Variants in FSHR observed in about 807,000 individuals in gnomAD.
The protein encoded by FSHR is follicle stimulating hormone receptor.
FSHR carries 46 observed loss-of-function variants against 52.1 expected under a neutral mutation model. That is an observed-to-expected ratio of 0.88 (90% CI 0.70 to 1.13). FSHR has a LOEUF of 1.13. FSHR is among the 50% of genes most tolerant of loss of function. The pLI is 0.00. For synonymous variants in FSHR, 399 were observed against 309.6 expected (o/e 1.29, Z -3.03); for missense variants, 964 against 834.6 (o/e 1.16, Z -1.91).
At chr2:49,014,399 AGAG>A (rs745790527) in intron 4 of FSHR, among the ~76,000 whole-genome samples, 81 of 152,260 alleles carry the variant, frequency 5.3e-4, no homozygotes, top group Non-Finnish European at 6.6e-4. Context: ...AAAGACACAA[AGAG>A]GAGGATGGAC....
At chr2:49,014,691 A>T in intron 4 of FSHR, 1 of 251,942 alleles carries the variant, frequency 4.0e-6, no homozygotes, top group Non-Finnish European at 7.9e-6. Context: ...CTCATTTCTC[A>T]TTTACCTGTT....
At chr2:49,118,721 C>A (rs1316073031) in intron 1 of FSHR, among the ~76,000 whole-genome samples, 1 of 152,054 alleles carries the variant, frequency 6.6e-6, no homozygotes, top group Non-Finnish European at 1.5e-5. Flanking sequence ...ATTAACATAC[C>A]CAATCACACA....
Position 49,082,747 on chromosome 2 carries a change from G to A in FSHR, c.153-14457C>T, listed in dbSNP as rs368035181. ...ATCAACTGGAAGAAAGGGTATCAGCGATGGAAGATGAAATGAATGAAATGA... is the reference window on the plus strand; with the variant it reads ...ATCAACTGGAAGAAAGGGTATCAGCAATGGAAGATGAAATGAATGAAATGA... On this transcript the variant is annotated intron_variant, in intron 1 of 9. Transcript: ENST00000406846. Among the ~76,000 whole-genome samples the A allele has an allele frequency of 7.9e-5, 12 of 152,240 alleles. No individual in the cohort carries two copies. The East Asian group carries it at 1.9e-3, about 24-fold the overall frequency.
intron 8 of FSHR, among the ~76,000 whole-genome samples, chr2:48,979,816 T>C (rs2104050921): frequency 6.6e-6 from 1 of 152,220 alleles, no homozygotes; most frequent in African/African-American, 2.4e-5. Flanking sequence ...TGTGTGTGTG[T>C]GTGTGTGTGT....
At chr2:49,149,040 C>T (rs578147127) in intron 1 of FSHR, among the ~76,000 whole-genome samples, 3 of 151,106 alleles carry the variant, frequency 2.0e-5, no homozygotes, top group Non-Finnish European at 4.4e-5. Context: ...TTGCCAGGGC[C>T]GAAGCAAAGA....
intron 1 of FSHR, among the ~76,000 whole-genome samples, chr2:49,092,177 G>C (rs1474682647): frequency 1.3e-5 from 2 of 152,126 alleles, no homozygotes; most frequent in African/African-American, 4.8e-5. Context: ...ATTGTTCGCT[G>C]CTAAATTACA....
intron 1 of FSHR, among the ~76,000 whole-genome samples, chr2:49,128,293 G>A (rs1672139659): frequency 6.6e-6 from 1 of 152,062 alleles, no homozygotes; most frequent in South Asian, 2.1e-4. Context: ...ATGAATGGGA[G>A]GATTTTCTTA....
At chr2:49,085,892 C>G (rs911952562) in intron 1 of FSHR, among the ~76,000 whole-genome samples, 3 of 150,592 alleles carry the variant, frequency 2.0e-5, no homozygotes, top group African/African-American at 7.4e-5. Context: ...CGTGTTCTCG[C>G]TCATAGGTGG....
At chr2:49,090,596 A>G (rs1436271436) in intron 1 of FSHR, among the ~76,000 whole-genome samples, 1 of 152,220 alleles carries the variant, frequency 6.6e-6, no homozygotes, top group Non-Finnish European at 1.5e-5. Context: ...GAGGTTTCTT[A>G]TGAATAGAAC....
At chr2:49,007,255 C>A (rs1053658661) in intron 4 of FSHR, among the ~76,000 whole-genome samples, 1 of 151,872 alleles carries the variant, frequency 6.6e-6, no homozygotes, top group Non-Finnish European at 1.5e-5. Flanking sequence ...GACATTGCAT[C>A]CTCCTGTCAG....
chr2:49,054,457 T>C (rs1021973056), intron 2 of FSHR, among the ~76,000 whole-genome samples: 1 of 151,762 alleles, frequency 6.6e-6, no homozygotes, highest in Non-Finnish European at 1.5e-5. Flanking sequence ...CTGCAAAACA[T>C]CCCTGTGGGC....
intron 2 of FSHR, among the ~76,000 whole-genome samples, chr2:49,060,797 G>T (rs565712806): frequency 6.6e-6 from 1 of 152,086 alleles, no homozygotes; most frequent in Non-Finnish European, 1.5e-5. Flanking sequence ...GGGGAGTGCA[G>T]TCATCCATGT....
At chr2:49,127,763 CTT>C (rs1333642813) in intron 1 of FSHR, among the ~76,000 whole-genome samples, 1 of 30,710 alleles carries the variant, frequency 3.3e-5, no homozygotes, top group African/African-American at 1.5e-4. Flanking sequence ...TCTTCTTCTT[CTT>C]CTTCTTCTTC....
At chr2:49,125,089 T>C (rs1032778053) in intron 1 of FSHR, among the ~76,000 whole-genome samples, 2 of 152,238 alleles carry the variant, frequency 1.3e-5, no homozygotes, top group African/African-American at 2.4e-5. Flanking sequence ...CTTCAACATA[T>C]ATAGTCTTTA....
At chr2:48,983,872 G>T (rs1463957732) in intron 6 of FSHR, among the ~76,000 whole-genome samples, 1 of 152,074 alleles carries the variant, frequency 6.6e-6, no homozygotes, top group Non-Finnish European at 1.5e-5. Flanking sequence ...TCCTGATTGC[G>T]CTAAGAAGGT....
intron 1 of FSHR, 100 bp from the exon 2 acceptor site, chr2:49,068,390 G>T: frequency 1.0e-6 from 1 of 989,538 alleles, no homozygotes. Flanking sequence ...TATACTAAGT[G>T]CTTGCCATAA....
At chr2:49,044,338 C>T (rs911206363) in intron 2 of FSHR, among the ~76,000 whole-genome samples, 9 of 152,148 alleles carry the variant, frequency 5.9e-5, no homozygotes, top group African/African-American at 2.2e-4. Flanking sequence ...TCTCGCCTTC[C>T]CACCTTCCCT....
chr2:49,055,992 C>T (rs149488628), intron 2 of FSHR, among the ~76,000 whole-genome samples: 114 of 152,044 alleles, frequency 7.5e-4, no homozygotes, highest in Middle Eastern at 6.8e-3. Flanking sequence ...AGACTTGATA[C>T]ACAAAGGACA....
intron 2 of FSHR, among the ~76,000 whole-genome samples, chr2:49,053,289 C>T (rs139923026): frequency 1.5e-4 from 23 of 152,222 alleles, no homozygotes; most frequent in African/African-American, 5.1e-4. Flanking sequence ...GCTCCTATTT[C>T]CAAAGATATT....
Sources: gnomAD v4.1 joint callset for allele counts (sites outside exome capture counted in the v4.1 genomes callset) on GRCh38, gnomAD v4.1.1 for gene constraint, MANE v1.5 for transcripts, NCBI Gene and HGNC (gene_info 2026-07-23, HGNC 2026-07-21) for gene names.